The following MTCL3 variants were observed in gnomAD, a reference collection of about 807,000 sequenced individuals.
MTCL3 encodes the protein MTCL family member 3.
chr6:127,515,562 T>A, the MTCL3 span: 4 of 1,466,478 alleles, frequency 2.7e-6, no homozygotes, highest in African/African-American at 1.5e-5. This position sits in a 1 kb window ranked among gnomAD's most constrained non-coding sequence, Gnocchi z 4.3. Flanking sequence ...CCTCTTGCAT[T>A]TCTTCCTGCT....
the MTCL3 span, among the ~76,000 whole-genome samples, chr6:127,497,205 T>TA: frequency 6.6e-6 from 1 of 152,146 alleles, no homozygotes; most frequent in African/African-American, 2.4e-5. Context: ...CAAAGTTATT[T>TA]AAAAAATCAA....
the MTCL3 span, among the ~76,000 whole-genome samples, chr6:127,512,394 G>A: frequency 6.6e-6 from 1 of 152,136 alleles, no homozygotes; most frequent in Non-Finnish European, 1.5e-5. Context: ...TGGTGATATT[G>A]CAAGCATTAG....
chr6:127,487,673 T>A, the MTCL3 span, among the ~76,000 whole-genome samples: 1 of 151,878 alleles, frequency 6.6e-6, no homozygotes. Flanking sequence ...CCTAAAAGGG[T>A]GAGGCAGGAT....
the MTCL3 span, among the ~76,000 whole-genome samples, chr6:127,473,566 C>G: frequency 6.6e-6 from 1 of 152,164 alleles, no homozygotes; most frequent in African/African-American, 2.4e-5. Context: ...TTCTCTCACT[C>G]TAATTTCTAT....
the MTCL3 span, among the ~76,000 whole-genome samples, chr6:127,500,220 C>T: frequency 1.3e-5 from 2 of 152,194 alleles, no homozygotes; most frequent in African/African-American, 2.4e-5. Context: ...ATAATCTGAC[C>T]TACAAAGGAA....
At chr6:127,483,074 A>T in the MTCL3 span, 1 of 1,028,352 alleles carries the variant, frequency 9.7e-7, no homozygotes. Flanking sequence ...AAACGACAAA[A>T]CCAAGACAAA....
the MTCL3 span, among the ~76,000 whole-genome samples, chr6:127,496,758 T>C: frequency 6.6e-6 from 1 of 152,120 alleles, no homozygotes; most frequent in Non-Finnish European, 1.5e-5. Flanking sequence ...GAATGAACTA[T>C]GGATACATGA....
chr6:127,507,769 G>T, the MTCL3 span, among the ~76,000 whole-genome samples: 1 of 144,516 alleles, frequency 6.9e-6, no homozygotes, highest in South Asian at 2.2e-4. Flanking sequence ...CGAGAACCCA[G>T]GAAGTGGAGC....
chr6:127,508,301 T>C, the MTCL3 span, among the ~76,000 whole-genome samples: 1 of 152,224 alleles, frequency 6.6e-6, no homozygotes, highest in African/African-American at 2.4e-5. Context: ...AATAGGTAAT[T>C]GTAAATATAT....
chr6:127,506,288 T>G, the MTCL3 span, among the ~76,000 whole-genome samples: 1 of 152,114 alleles, frequency 6.6e-6, no homozygotes, highest in Non-Finnish European at 1.5e-5. Flanking sequence ...GCATGTAGAG[T>G]CTGTGTATAA....
the MTCL3 span, among the ~76,000 whole-genome samples, chr6:127,507,699 C>T: frequency 0.064 from 9,794 of 151,894 alleles, 376 homozygotes; most frequent in East Asian, 0.11. Flanking sequence ...AAAAATTAGC[C>T]GGGCATAGTG....
chr6:127,476,332 C>G, the MTCL3 span: 2 of 1,614,186 alleles, frequency 1.2e-6, no homozygotes, highest in Non-Finnish European at 1.7e-6. This position sits in a 1 kb window ranked among gnomAD's most constrained non-coding sequence, Gnocchi z 4.4. Context: ...GTCCAGATCC[C>G]CATAAAAGGA....
chr6:127,479,626 A>G, the MTCL3 span, among the ~76,000 whole-genome samples: 1 of 152,250 alleles, frequency 6.6e-6, no homozygotes, highest in African/African-American at 2.4e-5. Context: ...TGTGTATGTA[A>G]GCGCTCCTGC....
the MTCL3 span, among the ~76,000 whole-genome samples, chr6:127,504,711 T>TA: frequency 8.5e-5 from 13 of 152,216 alleles, no homozygotes; most frequent in Non-Finnish European, 1.5e-4. Flanking sequence ...CTGTCACACA[T>TA]ACAAAGGCCA....
At chr6:127,500,236 G>A in the MTCL3 span, among the ~76,000 whole-genome samples, 2 of 152,274 alleles carry the variant, frequency 1.3e-5, no homozygotes, top group African/African-American at 4.8e-5. Flanking sequence ...AGGAATAAAA[G>A]TCAGACTGAT....
chr6:127,478,942 C>T, the MTCL3 span, among the ~76,000 whole-genome samples: 17 of 149,376 alleles, frequency 1.1e-4, no homozygotes, highest in Admixed American at 6.1e-4. Flanking sequence ...GCTTGAACCC[C>T]GGAGGCAGAG....
chr6:127,510,266 T>C, the MTCL3 span, among the ~76,000 whole-genome samples: 1 of 152,198 alleles, frequency 6.6e-6, no homozygotes, highest in East Asian at 1.9e-4. Context: ...ATTGCCTCTT[T>C]GGTATGAATA....
chr6:127,517,639 T>G, the MTCL3 span: 2 of 152,228 alleles, frequency 1.3e-5, no homozygotes, highest in Non-Finnish European at 2.9e-5. Context: ...CTTTTTAAAG[T>G]GCCCATTTCC....
chr6:127,509,157 T>C, the MTCL3 span, among the ~76,000 whole-genome samples: 3 of 152,372 alleles, frequency 2.0e-5, no homozygotes, highest in South Asian at 6.2e-4. Context: ...GGGATGACAA[T>C]GCTATTAAGA....
Sources: gnomAD v4.1 joint callset for allele counts (sites outside exome capture counted in the v4.1 genomes callset) on GRCh38, gnomAD v4.1.1 for gene constraint, Gnocchi (gnomAD v3.1) non-coding constraint, MANE v1.5 for transcripts, NCBI Gene and HGNC (gene_info 2026-07-23, HGNC 2026-07-21) for gene names.